EYS: variants seen among roughly 807,000 people sequenced by gnomAD.
EYS encodes the protein EGF-like photoreceptor maintenance factor, also known as protein eyes shut homolog.
A neutral mutation model predicts 282.1 loss-of-function variants in EYS; 250 were observed. The ratio of observed to expected loss-of-function variants is 0.89; its 90% confidence interval spans 0.80 to 0.98. EYS has a LOEUF of 0.98. Among genes scored for constraint, EYS ranks in the 50% least tolerant of loss-of-function variants. EYS has a pLI of 0.00. For missense variants in EYS, 4,016 were observed against 3,709.0 expected, an observed-to-expected ratio of 1.08 and a Z score of -2.15; for synonymous variants, 1,355 against 1,282.9, an observed-to-expected ratio of 1.06 and a Z score of -1.20.
chr6:64,487,370 T>C (rs749667411), intron 26 of EYS, among the ~76,000 whole-genome samples: 1 of 151,036 alleles, frequency 6.6e-6, no homozygotes, highest in Non-Finnish European at 1.5e-5. Flanking sequence ...AGCTGAAAAA[T>C]GGTAATGATA....
At chr6:65,252,896 A>G (rs576779727) in intron 12 of EYS, among the ~76,000 whole-genome samples, 1 of 152,128 alleles carries the variant, frequency 6.6e-6, no homozygotes, top group African/African-American at 2.4e-5. Flanking sequence ...CAGCAGATCA[A>G]TGAAGATTAT....
chr6:64,357,357 C>T (rs1256665535), intron 29 of EYS, among the ~76,000 whole-genome samples: 1 of 151,494 alleles, frequency 6.6e-6, no homozygotes, highest in African/African-American at 2.4e-5. Context: ...ACCACAAGTT[C>T]TACTGCCAAA....
chr6:63,865,538 C>T (rs552293951), intron 35 of EYS, among the ~76,000 whole-genome samples: 1 of 151,620 alleles, frequency 6.6e-6, no homozygotes, highest in African/African-American at 2.4e-5. Context: ...TACATCTTAT[C>T]TTCTCAATGC....
intron 12 of EYS, among the ~76,000 whole-genome samples, chr6:65,097,248 T>C (rs1444014614): frequency 1.3e-5 from 2 of 151,088 alleles, no homozygotes; most frequent in African/African-American, 4.8e-5. Context: ...GAAAAAATGC[T>C]CAACCTCACG....
At chr6:65,601,929 G>T (rs1375044852) in intron 2 of EYS, among the ~76,000 whole-genome samples, 2 of 151,780 alleles carry the variant, frequency 1.3e-5, no homozygotes, top group Non-Finnish European at 1.5e-5. Flanking sequence ...GTTGTATTTT[G>T]CTTTCATAGT....
chr6:65,195,519 A>G (rs1001884779), intron 12 of EYS, among the ~76,000 whole-genome samples: 1 of 152,068 alleles, frequency 6.6e-6, no homozygotes, highest in Non-Finnish European at 1.5e-5. Context: ...AAAAGAACTC[A>G]CAGTGATGTT....
At position 64,381,910 on chromosome 6, in the gene EYS, C is replaced by T. The variant is rs926194119; in HGVS notation, c.6078+6780G>A. Among the ~76,000 whole-genome samples the T allele has an allele frequency of 3.9e-5, 6 of 152,218 alleles. No individual in the cohort carries two copies. In the South Asian group the frequency reaches 1.2e-3, roughly 32 times the overall value. On this transcript the variant is annotated intron_variant, in intron 29 of 42. Coordinates refer to ENST00000503581, the MANE Select transcript of EYS (RefSeq NM_001142800.2). ...TCTTAAAAGAATACAGATGGTGTTC[C>T]TTTACTCATCATCATGGGCTTTAAT...
intron 12 of EYS, among the ~76,000 whole-genome samples, chr6:65,077,045 C>T (rs189937636): frequency 3.3e-5 from 5 of 151,814 alleles, no homozygotes; most frequent in South Asian, 2.1e-4. Context: ...AAAAAGTCAA[C>T]GATTAGTGGG....
At chr6:64,871,451 G>T (rs1421519569) in intron 19 of EYS, among the ~76,000 whole-genome samples, 1 of 151,872 alleles carries the variant, frequency 6.6e-6, no homozygotes, top group Non-Finnish European at 1.5e-5. Flanking sequence ...CTGACTACAG[G>T]TAACACATGT....
chr6:65,676,223 T>C (rs1200093256), intron 1 of EYS, among the ~76,000 whole-genome samples: 2 of 151,426 alleles, frequency 1.3e-5, no homozygotes, highest in Non-Finnish European at 3.0e-5. Context: ...GGAAGGAATT[T>C]TAATGATTAG....
At chr6:65,640,129 C>A (rs1582552803) in intron 1 of EYS, among the ~76,000 whole-genome samples, 1 of 152,104 alleles carries the variant, frequency 6.6e-6, no homozygotes, top group Non-Finnish European at 1.5e-5. Context: ...AACTGACATA[C>A]AAAAATTCTA....
intron 31 of EYS, among the ~76,000 whole-genome samples, chr6:64,147,626 G>A (rs1391272108): frequency 6.6e-6 from 1 of 152,136 alleles, no homozygotes; most frequent in African/African-American, 2.4e-5. Flanking sequence ...CACTTCATCT[G>A]TCTCTCCTGT....
intron 24 of EYS, among the ~76,000 whole-genome samples, chr6:64,604,065 A>G (rs1421547441): frequency 2.0e-5 from 3 of 151,950 alleles, no homozygotes; most frequent in African/African-American, 7.2e-5. Flanking sequence ...TGGGTGGAAC[A>G]TGTTCCATCA....
intron 14 of EYS, among the ~76,000 whole-genome samples, chr6:64,966,486 A>C (rs186755289): frequency 1.8e-4 from 28 of 152,302 alleles, no homozygotes. Context: ...TATAAAGCCA[A>C]ATATCTGCTT....
chr6:64,665,164 T>C (rs749441947), intron 22 of EYS, among the ~76,000 whole-genome samples: 13 of 152,226 alleles, frequency 8.5e-5, no homozygotes, highest in Non-Finnish European at 1.8e-4. Context: ...ACTGTAATAA[T>C]GTTCTGGCAT....
intron 2 of EYS, among the ~76,000 whole-genome samples, chr6:65,638,637 C>T (rs1389689482): frequency 2.0e-5 from 3 of 152,212 alleles, no homozygotes; most frequent in Admixed American, 6.5e-5. Flanking sequence ...TTACACAGAG[C>T]CCGCACCTGT....
intron 28 of EYS, among the ~76,000 whole-genome samples, chr6:64,417,790 C>G (rs572736884): frequency 6.6e-6 from 1 of 151,170 alleles, no homozygotes; most frequent in Admixed American, 6.6e-5. Context: ...TCTGCCTCAG[C>G]CTCCCAAGTA....
intron 2 of EYS, among the ~76,000 whole-genome samples, chr6:65,597,894 A>G (rs1343971497): frequency 6.6e-6 from 1 of 152,048 alleles, no homozygotes; most frequent in Non-Finnish European, 1.5e-5. Flanking sequence ...CGAGCTCAGT[A>G]GTTCGAAACC....
chr6:63,821,198 GGTTAAA>G (rs1438750985), intron 36 of EYS: 1 of 140,674 alleles, frequency 7.1e-6, no homozygotes, highest in Admixed American at 7.0e-5. Context: ...TTTTTTTTTT[GGTTAAA>G]GTTGTGACTG....
Sources: allele counts gnomAD v4.1 joint callset (sites outside exome capture counted in the v4.1 genomes callset), GRCh38; gene constraint gnomAD v4.1.1; transcripts MANE v1.5; gene names NCBI Gene and HGNC (gene_info 2026-07-23, HGNC 2026-07-21).